DCTN4: variants seen among roughly 807,000 people sequenced by gnomAD.
DCTN4 encodes the protein dynactin subunit 4.
Under a neutral mutation model 62.7 loss-of-function variants are expected in DCTN4, and 23 were observed. The ratio of observed to expected loss-of-function variants is 0.37; its 90% CI spans 0.26 to 0.52. DCTN4 has a LOEUF of 0.52. Ranked by LOEUF, DCTN4 falls within the 20% of genes least tolerant of loss-of-function variation. The pLI is 0.92. For synonymous variants in DCTN4, 199 were observed against 202.1 expected (o/e 0.98, Z 0.13); for missense variants, 514 against 580.4 (o/e 0.89, Z 1.18).
intron 3 of DCTN4, 48 bp from the exon 4 acceptor site, chr5:150,742,205 T>A (rs1760794482): frequency 6.3e-7 from 1 of 1,583,216 alleles, no homozygotes; most frequent in Non-Finnish European, 8.7e-7. Flanking sequence ...TGTGATAATT[T>A]TATTTTCATA....
chr5:150,733,679 G>A (rs1334217670), intron 4 of DCTN4: 1 of 455,420 alleles, frequency 2.2e-6, no homozygotes, highest in African/African-American at 2.0e-5. Context: ...TCAAGGATGG[G>A]AAGAAATGGG....
intron 8 of DCTN4, among the ~76,000 whole-genome samples, chr5:150,727,480 T>A (rs1446765098): frequency 1.3e-5 from 2 of 152,076 alleles, no homozygotes; most frequent in Non-Finnish European, 2.9e-5. Context: ...TAAAGCAGAT[T>A]AAACCCAATA....
chr5:150,731,915 C>T (rs1279502727), intron 5 of DCTN4: 1 of 1,551,574 alleles, frequency 6.4e-7, no homozygotes, highest in Admixed American at 2.0e-5. Context: ...TGCTGTAGAG[C>T]CCCAAAATAG....
At chr5:150,711,781 A>C (rs1055699780) in intron 12 of DCTN4, among the ~76,000 whole-genome samples, 1 of 152,096 alleles carries the variant, frequency 6.6e-6, no homozygotes, top group African/African-American at 2.4e-5. Flanking sequence ...TGGCCTCCAA[A>C]AGTGCTGGGA....
chr5:150,751,428 C>CA (rs1466777674), intron 3 of DCTN4, among the ~76,000 whole-genome samples: 3 of 152,102 alleles, frequency 2.0e-5, no homozygotes, highest in Admixed American at 2.0e-4. Context: ...CACTCACTAA[C>CA]AGAGTAACAA....
chr5:150,758,434 G>C (rs1752941591), intron 1 of DCTN4: 15 of 991,082 alleles, frequency 1.5e-5, no homozygotes, highest in Non-Finnish European at 1.6e-5. Flanking sequence ...CTGGACAAAA[G>C]AGGAACAGAA....
chr5:150,725,984 C>A (rs1209315149), intron 8 of DCTN4, among the ~76,000 whole-genome samples: 1 of 151,978 alleles, frequency 6.6e-6, no homozygotes, highest in Admixed American at 6.6e-5. Context: ...CTCACTGCAA[C>A]CTCCGCCTCC....
intron 7 of DCTN4, 61 bp from the exon 8 acceptor site, chr5:150,730,801 G>T: frequency 7.2e-7 from 1 of 1,391,242 alleles, no homozygotes; most frequent in Non-Finnish European, 1.0e-6. Context: ...AGACTTTTAT[G>T]TACCAGTAAT....
chr5:150,726,409 T>C (rs1305853350), intron 8 of DCTN4, among the ~76,000 whole-genome samples: 3 of 152,160 alleles, frequency 2.0e-5, no homozygotes. Flanking sequence ...AGATATTGTG[T>C]AGTTTAAAAC....
Position 150,742,244 on chromosome 5 carries a change from A to T in DCTN4, c.386-87T>A, listed in dbSNP as rs1760795484. 2.2e-6 allele frequency: 3 copies of T among 1,341,222 alleles called. No homozygotes were observed. The South Asian group carries it at 3.5e-5, about 16-fold the overall frequency. The allele number at this position is 1,341,222 out of a possible 1,614,324, so 83.1% of individuals were successfully genotyped here. On this transcript the variant is annotated intron_variant, in intron 3 of 12. Transcript: ENST00000447998. The stretch of plus-strand genomic sequence containing the variant: ...CAAGTCTTCTGTAGGCCATAAAAAG[A>T]AACTTAAAACATAAGTTATATAGAC...
At chr5:150,745,220 C>A (rs529669713) in intron 3 of DCTN4, among the ~76,000 whole-genome samples, 3,313 of 150,012 alleles carry the variant, frequency 0.022, 152 homozygotes, top group African/African-American at 0.078. Context: ...GTAAAGGGAT[C>A]AATTCAACAA....
chr5:150,721,797 A>G (rs2113017169), intron 9 of DCTN4, among the ~76,000 whole-genome samples: 1 of 152,252 alleles, frequency 6.6e-6, no homozygotes, highest in Non-Finnish European at 1.5e-5. Flanking sequence ...TATTTGTCTC[A>G]GGACTTTGTT....
rs11954652 is a variant in DCTN4 at position 150,718,321 on chromosome 5, G to A, written c.1026C>T (p.Phe342=). The A allele has an allele frequency of 9.3e-6, 15 of 1,613,780 alleles. No individual in the cohort carries two copies. In the South Asian group the frequency reaches 1.2e-4, roughly 13 times the overall value. ...CATCAGGGTCCCCCTCCTCACACTCGAAGAGAGTCACATGGGTGAGGTTCT... is the reference window on the plus strand; with the variant it reads ...CATCAGGGTCCCCCTCCTCACACTCAAAGAGAGTCACATGGGTGAGGTTCT... ...PVENLTHVTL[F]ECEEGDPDDI... is the part of the protein sequence containing the mutation. The change falls in exon 11 of 13, where the codon TTC becomes TTT. Residue 342 remains phenylalanine, a synonymous_variant. Coordinates refer to ENST00000447998, the MANE Select transcript of DCTN4 (RefSeq NM_016221.4).
At chr5:150,730,840 A>G in intron 7 of DCTN4, 100 bp from the exon 8 acceptor site, 1 of 998,296 alleles carries the variant, frequency 1.0e-6, no homozygotes, top group Non-Finnish European at 1.5e-6. Flanking sequence ...CTTTACGAAC[A>G]GTGTTGTTCA....
chr5:150,744,106 G>C (rs1290649148), intron 3 of DCTN4, among the ~76,000 whole-genome samples: 1 of 152,216 alleles, frequency 6.6e-6, no homozygotes, highest in Non-Finnish European at 1.5e-5. Context: ...GGAGCTGATG[G>C]AGCTGAAAGC....
chr5:150,723,386 T>G (rs141750718), intron 8 of DCTN4, among the ~76,000 whole-genome samples: 1 of 152,336 alleles, frequency 6.6e-6, no homozygotes, highest in East Asian at 1.9e-4. Context: ...AAGTAACCTG[T>G]CCAACTTCAC....
At chr5:150,719,325 A>G (rs1387804583) in intron 10 of DCTN4, among the ~76,000 whole-genome samples, 1 of 152,170 alleles carries the variant, frequency 6.6e-6, no homozygotes, top group East Asian at 1.9e-4. Context: ...AGGGGAGTAG[A>G]TGAGGACTCC....
chr5:150,709,992 C>A lies in DCTN4; in HGVS notation c.*1157G>T, dbSNP rs1355864738. The A allele has an allele frequency of 2.0e-5, 3 of 152,342 alleles. No homozygotes were observed. Among genetic ancestry groups the A allele is most frequent in the Non-Finnish European group, 4.4e-5 (3 of 68,046 alleles). 9.4% of individuals were successfully genotyped at this position (152,342 alleles called of 1,614,324 possible). The stretch of plus-strand genomic sequence containing the variant: ...AGGATACCAAGTGAAAACAGCAAGT[C>A]TGCTGTTAGGCCAGAACTGTGGGCT... On this transcript the variant is annotated 3_prime_UTR_variant, in exon 13 of 13. Transcript: ENST00000447998.
intron 1 of DCTN4, chr5:150,758,249 T>C (rs750073552): frequency 1.1e-4 from 106 of 985,482 alleles, no homozygotes; most frequent in Non-Finnish European, 1.2e-4. Context: ...CGCCCACTTG[T>C]GCCAGGGAAG....
Sources: allele counts gnomAD v4.1 joint callset (sites outside exome capture counted in the v4.1 genomes callset), GRCh38; gene constraint gnomAD v4.1.1; transcripts MANE v1.5; gene names NCBI Gene and HGNC (gene_info 2026-07-23, HGNC 2026-07-21).